The following LSAMP variants were observed in gnomAD, a reference collection of about 807,000 sequenced individuals.
The protein encoded by LSAMP is limbic system associated membrane protein.
LSAMP carries 7 observed loss-of-function variants against 38.6 expected under a neutral mutation model. The ratio of observed to expected loss-of-function variants is 0.18; its 90% CI spans 0.10 to 0.34. LSAMP has a LOEUF of 0.34. Among genes scored for constraint, LSAMP ranks in the 10% least tolerant of loss-of-function variants. The pLI, the probability that LSAMP is intolerant of heterozygous loss-of-function variation, is 1.00. For synonymous variants in LSAMP, 154 were observed against 166.8 expected (o/e 0.92, Z 0.59); for missense variants, 313 against 420.0 (o/e 0.75, Z 2.23).
intron 2 of LSAMP, among the ~76,000 whole-genome samples, chr3:116,023,625 C>T (rs997828758): frequency 3.6e-5 from 5 of 137,958 alleles, no homozygotes; most frequent in Middle Eastern, 3.4e-3. Flanking sequence ...AAAAAAAAAA[C>T]GGTTTCTTTG....
At chr3:116,035,140 T>A (rs1576322660) in intron 2 of LSAMP, among the ~76,000 whole-genome samples, 1 of 152,188 alleles carries the variant, frequency 6.6e-6, no homozygotes, top group Non-Finnish European at 1.5e-5. Context: ...AGATGTTTTT[T>A]AAAGTATCTT....
At chr3:116,164,683 A>G (rs28673788) in intron 1 of LSAMP, among the ~76,000 whole-genome samples, 57,379 of 105,886 alleles carry the variant, frequency 0.54, 16,747 homozygotes, top group East Asian at 0.77. Context: ...ATATATATAT[A>G]ATCCAAATAT....
At chr3:115,816,221 GA>G (rs1289923355) in intron 6 of LSAMP, among the ~76,000 whole-genome samples, 1 of 152,142 alleles carries the variant, frequency 6.6e-6, no homozygotes, top group Non-Finnish European at 1.5e-5. Context: ...TCTGTTTTAT[GA>G]AGCCAACAAG....
intron 3 of LSAMP, among the ~76,000 whole-genome samples, chr3:115,995,508 A>G (rs1293202772): frequency 6.6e-6 from 1 of 151,976 alleles, no homozygotes; most frequent in Non-Finnish European, 1.5e-5. Context: ...ATTAATACCA[A>G]TTTCTAATGA....
intron 1 of LSAMP, among the ~76,000 whole-genome samples, chr3:116,121,845 A>G (rs936895077): frequency 6.6e-6 from 1 of 151,470 alleles, no homozygotes; most frequent in African/African-American, 2.4e-5. Context: ...CCCAAAACAA[A>G]TTCATAAACT....
intron 1 of LSAMP, among the ~76,000 whole-genome samples, chr3:116,327,879 C>T (rs1469632577): frequency 6.6e-6 from 1 of 152,140 alleles, no homozygotes; most frequent in African/African-American, 2.4e-5. Context: ...CAGTGAATCT[C>T]TCTTGTGCCT....
At chr3:116,229,225 C>T (rs542816248) in intron 1 of LSAMP, among the ~76,000 whole-genome samples, 3 of 152,204 alleles carry the variant, frequency 2.0e-5, no homozygotes, top group East Asian at 3.9e-4. Flanking sequence ...CCTCTCCTTT[C>T]TCTTACATCC....
intron 3 of LSAMP, among the ~76,000 whole-genome samples, chr3:115,878,389 C>T (rs373628260): frequency 8.6e-4 from 129 of 149,618 alleles, no homozygotes; most frequent in African/African-American, 3.0e-3. Context: ...GATAAGAAAA[C>T]GCATCTGCCT....
Position 115,954,096 on chromosome 3 carries a change from C to T in LSAMP, c.514+65419G>A, listed in dbSNP as rs112609206. On this transcript the variant is annotated intron_variant, in intron 3 of 6. Coordinates refer to ENST00000490035, the MANE Select transcript of LSAMP (RefSeq NM_002338.5). ...TTGTTTTTTAACTGTTTATTTTCTG[C>T]CTTCTTCCCCACTCCCTCATCCCGA... 6.5e-3 allele frequency among the ~76,000 whole-genome samples: 987 copies of T among 152,234 alleles called. 12 individuals carry two copies. Among genetic ancestry groups the T allele is most frequent in the African/African-American group, 0.022 (894 of 41,542 alleles).
chr3:115,924,809 A>G (rs938150906), intron 3 of LSAMP, among the ~76,000 whole-genome samples: 2 of 152,206 alleles, frequency 1.3e-5, no homozygotes. Flanking sequence ...CTTTGCAACT[A>G]AAGTCCTCCT....
chr3:115,895,793 G>C (rs1004609990), intron 3 of LSAMP, among the ~76,000 whole-genome samples: 3 of 151,968 alleles, frequency 2.0e-5, no homozygotes, highest in African/African-American at 7.2e-5. Flanking sequence ...GAAATGTTTT[G>C]TTTGTTTTCA....
intron 3 of LSAMP, among the ~76,000 whole-genome samples, chr3:115,963,575 G>A (rs529481917): frequency 6.6e-5 from 10 of 152,298 alleles, no homozygotes; most frequent in African/African-American, 2.2e-4. Context: ...CATTAGATGT[G>A]ACTCCAGTAT....
intron 1 of LSAMP, among the ~76,000 whole-genome samples, chr3:116,423,637 T>C (rs2049158377): frequency 2.0e-5 from 3 of 152,146 alleles, no homozygotes; most frequent in Non-Finnish European, 4.4e-5. Context: ...ACACTGGGAA[T>C]ACTCCACGGT....
chr3:116,209,125 C>T (rs552432495), intron 1 of LSAMP, among the ~76,000 whole-genome samples: 15 of 152,176 alleles, frequency 9.9e-5, no homozygotes, highest in East Asian at 1.9e-4. Flanking sequence ...TAAGCCGGTC[C>T]GAAAAGCGCA....
At chr3:115,957,298 T>G (rs1052427805) in intron 3 of LSAMP, among the ~76,000 whole-genome samples, 1 of 152,174 alleles carries the variant, frequency 6.6e-6, no homozygotes, top group Non-Finnish European at 1.5e-5. Flanking sequence ...CTAAAGCCAC[T>G]ACACAAATGG....
rs1464094917 is a variant in LSAMP at position 115,805,505 on chromosome 3, CAT to C, written c.*4810_*4811del. The C allele has an allele frequency of 2.0e-5, 3 of 152,084 alleles. No individual in the cohort carries two copies. The highest frequency in any genetic ancestry group is 4.8e-5 in the African/African-American group (2 of 41,416). The allele number at this position is 152,084 out of a possible 1,614,324, so 9.4% of individuals were successfully genotyped here. ...AACTAGTGATTTACATTGATTTACA[CAT>C]GATTGGTGCCTAATTTATTAATCAG... On this transcript the variant is annotated 3_prime_UTR_variant, in exon 7 of 7. Coordinates refer to ENST00000490035, the MANE Select transcript of LSAMP (RefSeq NM_002338.5).
At chr3:116,150,306 T>C (rs1465197671) in intron 1 of LSAMP, among the ~76,000 whole-genome samples, 1 of 152,052 alleles carries the variant, frequency 6.6e-6, no homozygotes, top group Admixed American at 6.6e-5. Flanking sequence ...ATGCAAATAG[T>C]TCTTTATTCA....
In LSAMP at chr3:116,273,707, T is replaced by TAC. The variant is rs10530643; in HGVS notation, c.155+171168_155+171169dup. ...GCATATATATATATATATATATATA[T>TAC]ACACACACACACACACGTATATATG... On this transcript the variant is annotated intron_variant, in intron 1 of 6. Transcript: ENST00000490035. Among the ~76,000 whole-genome samples the TAC allele has an allele frequency of 2.3e-4, 24 of 102,608 alleles. 2 individuals are homozygous for TAC. Among genetic ancestry groups the TAC allele is most frequent in the African/African-American group, 1.1e-3 (24 of 21,272 alleles). 67.3% of individuals were successfully genotyped at this position (102,608 alleles called of 152,430 possible). A position where few individuals can be genotyped will look rare whatever the true frequency, so the allele number is the denominator to read the frequency against.
At chr3:116,053,358 T>G (rs1452413462) in intron 2 of LSAMP, among the ~76,000 whole-genome samples, 3 of 152,194 alleles carry the variant, frequency 2.0e-5, no homozygotes, top group African/African-American at 7.2e-5. Context: ...CTGCCCTCAG[T>G]GTTCTTACAA....
Sources: allele counts gnomAD v4.1 joint callset (sites outside exome capture counted in the v4.1 genomes callset), GRCh38; gene constraint gnomAD v4.1.1; transcripts MANE v1.5; gene names NCBI Gene and HGNC (gene_info 2026-07-23, HGNC 2026-07-21).